The following STK4 variants were observed in gnomAD, a reference collection of about 807,000 sequenced individuals.
STK4 encodes serine/threonine-protein kinase 4.
STK4 carries 30 observed loss-of-function variants against 64.9 expected under a neutral mutation model. The observed-to-expected ratio is 0.46, with a 90% CI of 0.35 to 0.63. The LOEUF (loss-of-function observed/expected upper bound fraction) is 0.63. STK4 is among the 20% of genes least tolerant of loss of function. The pLI is 0.01. For synonymous variants in STK4, 177 were observed against 199.0 expected (o/e 0.89, Z 0.93); for missense variants, 466 against 598.5 (o/e 0.78, Z 2.31).
At chr20:45,019,976 C>T (rs1338154121) in intron 9 of STK4, among the ~76,000 whole-genome samples, 1 of 152,078 alleles carries the variant, frequency 6.6e-6, no homozygotes, top group Non-Finnish European at 1.5e-5. Flanking sequence ...ATTACATTTC[C>T]CCACTCTTTC....
intron 2 of STK4, among the ~76,000 whole-genome samples, chr20:44,976,858 A>G (rs923878135): frequency 6.6e-6 from 1 of 152,232 alleles, no homozygotes; most frequent in Non-Finnish European, 1.5e-5. Flanking sequence ...ATTAGTTTCA[A>G]GCATCATCCC....
rs563139772 is a variant in STK4 at position 45,065,888 on chromosome 20, T to A, written c.1306-9130T>A. ...TCAGTTTCCTTCAGTTCAGCTTTGA[T>A]TTTGGTTATTTATTTTTGTTAGCTT... On this transcript the variant is annotated intron_variant, in intron 10 of 10. Coordinates refer to ENST00000372806, the MANE Select transcript of STK4 (RefSeq NM_006282.5). Among the ~76,000 whole-genome samples the A allele has an allele frequency of 2.0e-5, 3 of 152,050 alleles. No individual in the cohort carries two copies. The South Asian group carries it at 6.2e-4, about 32-fold the overall frequency.
intron 10 of STK4, among the ~76,000 whole-genome samples, chr20:45,059,577 A>G (rs897719160): frequency 2.0e-4 from 31 of 152,214 alleles, no homozygotes; most frequent in African/African-American, 6.5e-4. Context: ...ATAGAGCAGG[A>G]CAGCGCAGGA....
At chr20:45,042,908 A>G (rs895142539) in intron 10 of STK4, among the ~76,000 whole-genome samples, 1 of 145,950 alleles carries the variant, frequency 6.9e-6, no homozygotes, top group African/African-American at 2.8e-5. Flanking sequence ...ACATAGGTAA[A>G]TGTGTGCCAT....
intron 10 of STK4, among the ~76,000 whole-genome samples, chr20:45,072,341 T>C (rs367647609): frequency 2.0e-5 from 3 of 152,232 alleles, no homozygotes; most frequent in Non-Finnish European, 4.4e-5. Flanking sequence ...CACTAACTTA[T>C]ATGTCTTCAT....
At chr20:44,975,007 AGTT>A (rs1375864899) in intron 2 of STK4, 1 of 152,218 alleles carries the variant, frequency 6.6e-6, no homozygotes, top group Non-Finnish European at 1.5e-5. Context: ...TTCTACTTAA[AGTT>A]GTACACATTG....
chr20:45,047,783 T>G (rs921094064), intron 10 of STK4, among the ~76,000 whole-genome samples: 2 of 152,192 alleles, frequency 1.3e-5, no homozygotes, highest in African/African-American at 4.8e-5. Flanking sequence ...TGTGGGTTCC[T>G]TTTAGAGTGA....
At chr20:45,051,719 T>G (rs2068779923) in intron 10 of STK4, among the ~76,000 whole-genome samples, 1 of 152,214 alleles carries the variant, frequency 6.6e-6, no homozygotes, top group African/African-American at 2.4e-5. Flanking sequence ...TATCCTAAAT[T>G]ATTATAGTGC....
rs527541945 is a variant in STK4 at position 45,017,640 on chromosome 20, A to G, written c.1148-7333A>G. 2.6e-5 allele frequency among the ~76,000 whole-genome samples: 4 copies of G among 152,354 alleles called. No homozygotes were observed. In the East Asian group the frequency reaches 7.7e-4, roughly 29 times the overall value. On this transcript the variant is annotated intron_variant, in intron 9 of 10. Coordinates refer to ENST00000372806, the MANE Select transcript of STK4 (RefSeq NM_006282.5). ...TATCTGAAGACACTTTGACTAGGAA[A>G]GTGATAAAATGGAGTTTCAAAAGAC...
intron 10 of STK4, 28 bp downstream of exon 10, chr20:45,025,158 T>C: frequency 6.3e-7 from 1 of 1,589,230 alleles, no homozygotes; most frequent in Non-Finnish European, 8.6e-7. Context: ...TAAATGGTTA[T>C]GTCTTCAGGG....
At chr20:45,016,524 T>A (rs2068146016) in intron 9 of STK4, among the ~76,000 whole-genome samples, 1 of 152,350 alleles carries the variant, frequency 6.6e-6, no homozygotes, top group Non-Finnish European at 1.5e-5. Flanking sequence ...GCAGTTTTTC[T>A]TATTGTATCC....
chr20:45,029,501 C>T (rs867052920), intron 10 of STK4, among the ~76,000 whole-genome samples: 2 of 152,216 alleles, frequency 1.3e-5, no homozygotes, highest in Admixed American at 1.3e-4. Flanking sequence ...GATACATGAG[C>T]TGCTCTCCCA....
intron 1 of STK4, among the ~76,000 whole-genome samples, chr20:44,967,913 G>C (rs2067179300): frequency 6.6e-6 from 1 of 152,186 alleles, no homozygotes; most frequent in African/African-American, 2.4e-5. Context: ...CATGTGTCCT[G>C]CTGAAGCATA....
chr20:44,995,176 A>G lies in STK4; in HGVS notation c.612A>G (p.Val204=), dbSNP rs2067705568. The G allele has an allele frequency of 2.5e-6, 4 of 1,614,048 alleles. No individual in the cohort carries two copies. The highest frequency in any genetic ancestry group is 3.4e-6 in the Non-Finnish European group (4 of 1,179,960). ...EVIQEIGYNC[V]ADIWSLGITA... ...TTCAGGAAATTGGATACAACTGTGT[A>G]GCAGACATCTGGTCCCTGGGAATAA... Residue 204 remains valine (V), a synonymous_variant, in exon 6 of 11, where the codon GTA becomes GTG. Coordinates refer to ENST00000372806, the MANE Select transcript of STK4 (RefSeq NM_006282.5).
intron 10 of STK4, among the ~76,000 whole-genome samples, chr20:45,038,593 C>T (rs1374183293): frequency 6.6e-6 from 1 of 151,990 alleles, no homozygotes; most frequent in Non-Finnish European, 1.5e-5. Flanking sequence ...AACCTTCATT[C>T]GGGATATTGC....
At chr20:45,035,655 A>G (rs2068516614) in intron 10 of STK4, among the ~76,000 whole-genome samples, 1 of 152,222 alleles carries the variant, frequency 6.6e-6, no homozygotes, top group Non-Finnish European at 1.5e-5. Flanking sequence ...GATCTTTTAC[A>G]GCCTTCACTT....
chr20:44,972,026 C>T, intron 1 of STK4, 52 bp from the exon 2 acceptor site: 3 of 1,522,258 alleles, frequency 2.0e-6, no homozygotes, highest in Non-Finnish European at 2.7e-6. Flanking sequence ...ATTTTATGTT[C>T]TAGTTCCTAG....
intron 5 of STK4, among the ~76,000 whole-genome samples, chr20:44,988,523 A>ATGTGTGTGTGTGTGTGTGTG (rs371237761): frequency 3.7e-5 from 4 of 108,596 alleles, no homozygotes; most frequent in Non-Finnish European, 5.1e-5. Context: ...GTGTATATAT[A>ATGTGTGTGTGTGTGTGTGTG]TGTGTGTGTG....
At chr20:44,995,346 G>C (rs147377005) in intron 6 of STK4, 89 bp downstream of exon 6, 29 of 1,453,608 alleles carry the variant, frequency 2.0e-5, no homozygotes, top group African/African-American at 2.9e-5. Context: ...TGGCTCACAC[G>C]TGTAATCCCA....
Sources: allele counts gnomAD v4.1 joint callset (sites outside exome capture counted in the v4.1 genomes callset), GRCh38; gene constraint gnomAD v4.1.1; transcripts MANE v1.5; gene names NCBI Gene and HGNC (gene_info 2026-07-23, HGNC 2026-07-21).